The following NEGR1 variants were observed in gnomAD, a reference collection of about 807,000 sequenced individuals.
NEGR1 encodes the protein IgLON family member 4.
A neutral mutation model predicts 40.9 loss-of-function variants in NEGR1; 10 were observed. The observed-to-expected ratio is 0.24, with a 90% CI of 0.15 to 0.42. The LOEUF (loss-of-function observed/expected upper bound fraction) is 0.42, where lower values mean the gene tolerates loss of function less well. Ranked by LOEUF, NEGR1 falls within the 10% of genes least tolerant of loss-of-function variation. NEGR1 has a pLI of 1.00. For synonymous variants in NEGR1, 185 were observed against 166.8 expected (o/e 1.11, Z -0.84); for missense variants, 352 against 438.9 (o/e 0.80, Z 1.77).
intron 2 of NEGR1, among the ~76,000 whole-genome samples, chr1:71,894,935 T>A (rs577807408): frequency 3.0e-4 from 45 of 151,946 alleles, no homozygotes; most frequent in African/African-American, 1.0e-3. Context: ...TTTTTTTTTT[T>A]AAAAGGAAGG....
chr1:71,564,864 G>C (rs1648567811), intron 6 of NEGR1, among the ~76,000 whole-genome samples: 1 of 152,012 alleles, frequency 6.6e-6, no homozygotes, highest in South Asian at 2.1e-4. Flanking sequence ...ATGACATTAG[G>C]TTACTTTCCA....
chr1:71,942,539 T>C (rs1410120145), intron 1 of NEGR1, among the ~76,000 whole-genome samples: 3 of 97,130 alleles, frequency 3.1e-5, no homozygotes, highest in Non-Finnish European at 4.0e-5. Context: ...TCTCGCTCTG[T>C]CGCCCAGGCT....
At chr1:71,820,424 C>T (rs1340439031) in intron 2 of NEGR1, among the ~76,000 whole-genome samples, 1 of 151,994 alleles carries the variant, frequency 6.6e-6, no homozygotes, top group African/African-American at 2.4e-5. Flanking sequence ...TTCCTCCAGT[C>T]CTTCCCTACA....
chr1:71,606,482 C>T (rs767325256), intron 5 of NEGR1, among the ~76,000 whole-genome samples: 1 of 152,178 alleles, frequency 6.6e-6, no homozygotes, highest in Non-Finnish European at 1.5e-5. Context: ...ATAGTTAGTG[C>T]TTACTGGTTT....
At chr1:71,898,923 T>TA (rs1198958122) in intron 2 of NEGR1, among the ~76,000 whole-genome samples, 1 of 132,176 alleles carries the variant, frequency 7.6e-6, no homozygotes, top group Non-Finnish European at 1.6e-5. Flanking sequence ...CAAATATATA[T>TA]TTGCAAATAT....
rs113397235 is a variant in NEGR1 at position 71,696,550 on chromosome 1, C to T, written c.667+1458G>A. On this transcript the variant is annotated intron_variant, in intron 4 of 6. Coordinates refer to ENST00000357731, the MANE Select transcript of NEGR1 (RefSeq NM_173808.3). ...CCTTAGTAGATATATGTCTCTCTTC[C>T]CTCCCCTCCACTTCCCAAGCCCTCA... Among the ~76,000 whole-genome samples, 5 of 151,774 alleles carry T rather than the reference C, an allele frequency of 3.3e-5. 1 individual carries two copies. The highest frequency in any genetic ancestry group is 1.2e-4 in the African/African-American group (5 of 41,454).
intron 6 of NEGR1, chr1:71,408,001 A>G (rs914788250): frequency 2.6e-5 from 4 of 152,878 alleles, no homozygotes; most frequent in Non-Finnish European, 4.4e-5. Context: ...AAATGCTAGG[A>G]AAACAAGAAT....
At chr1:72,068,036 A>T (rs1380143890) in intron 1 of NEGR1, among the ~76,000 whole-genome samples, 1 of 152,174 alleles carries the variant, frequency 6.6e-6, no homozygotes, top group Non-Finnish European at 1.5e-5. Flanking sequence ...TCTCTTTTTT[A>T]TTAGTAGCTT....
At chr1:72,158,697 T>G (rs138238781) in intron 1 of NEGR1, among the ~76,000 whole-genome samples, 93 of 152,324 alleles carry the variant, frequency 6.1e-4, no homozygotes, top group African/African-American at 2.1e-3. Context: ...AAGCCCTTTT[T>G]CTAGGTCACC....
In NEGR1 at chr1:71,698,722, A is replaced by C. The variant is rs12750569; in HGVS notation, c.536-583T>G. ...AACTCACGCAATAAATCTTGGAAAA[A>C]ATCATTATGACTCTCTAAGGGTTAA... On this transcript the variant is annotated intron_variant, in intron 3 of 6. Coordinates refer to ENST00000357731, the MANE Select transcript of NEGR1 (RefSeq NM_173808.3). Among the ~76,000 whole-genome samples, 127 of 152,032 alleles carry C rather than the reference A, an allele frequency of 8.4e-4. 1 individual carries two copies. The highest frequency in any genetic ancestry group is 1.6e-3 in the Non-Finnish European group (106 of 67,864).
chr1:71,870,678 G>A (rs1454542909), intron 2 of NEGR1, among the ~76,000 whole-genome samples: 3 of 152,130 alleles, frequency 2.0e-5, no homozygotes, highest in African/African-American at 7.2e-5. Flanking sequence ...GTTACACTGT[G>A]TGAAATTATG....
chr1:71,945,939 T>C (rs1646014322), intron 1 of NEGR1, among the ~76,000 whole-genome samples: 2 of 152,224 alleles, frequency 1.3e-5, no homozygotes, highest in South Asian at 4.1e-4. Flanking sequence ...AGGTTAATGC[T>C]CTTCATAACT....
intron 2 of NEGR1, among the ~76,000 whole-genome samples, chr1:71,850,320 A>C (rs931928889): frequency 5.9e-5 from 9 of 151,828 alleles, no homozygotes; most frequent in African/African-American, 2.2e-4. Context: ...CATGCCCGGC[A>C]AATATTTATA....
At chr1:71,437,183 T>C (rs563652525) in intron 6 of NEGR1, among the ~76,000 whole-genome samples, 1 of 152,222 alleles carries the variant, frequency 6.6e-6, no homozygotes, top group South Asian at 2.1e-4. Context: ...TTATAAAATC[T>C]AATGATTTCA....
At chr1:72,226,031 A>G (rs994114645) in intron 1 of NEGR1, among the ~76,000 whole-genome samples, 5 of 151,954 alleles carry the variant, frequency 3.3e-5, no homozygotes, top group Non-Finnish European at 7.4e-5. Context: ...GAAATAAATA[A>G]ATTTATGGTT....
At chr1:72,251,342 A>G (rs984944321) in intron 1 of NEGR1, among the ~76,000 whole-genome samples, 5 of 152,202 alleles carry the variant, frequency 3.3e-5, no homozygotes, top group Non-Finnish European at 5.9e-5. Context: ...CCAACGAATC[A>G]TATCCATTAC....
At chr1:71,836,690 A>G (rs1291038633) in intron 2 of NEGR1, among the ~76,000 whole-genome samples, 2 of 151,944 alleles carry the variant, frequency 1.3e-5, no homozygotes, top group Non-Finnish European at 2.9e-5. Context: ...TTACACTTAT[A>G]TTTTTGCCAG....
intron 2 of NEGR1, among the ~76,000 whole-genome samples, chr1:71,847,443 T>C (rs997986284): frequency 6.6e-6 from 1 of 152,206 alleles, no homozygotes; most frequent in Non-Finnish European, 1.5e-5. Context: ...TTCATGTCTC[T>C]GTGTCCCATT....
At chr1:72,075,892 G>A (rs1647708992) in intron 1 of NEGR1, among the ~76,000 whole-genome samples, 1 of 152,030 alleles carries the variant, frequency 6.6e-6, no homozygotes, top group South Asian at 2.1e-4. Flanking sequence ...TTCTTGGATT[G>A]GTTTAGAACT....
Sources: gnomAD v4.1 joint callset for allele counts (sites outside exome capture counted in the v4.1 genomes callset) on GRCh38, gnomAD v4.1.1 for gene constraint, MANE v1.5 for transcripts, NCBI Gene and HGNC (gene_info 2026-07-23, HGNC 2026-07-21) for gene names.